The following GPD2 variants were observed in gnomAD, a reference collection of about 807,000 sequenced individuals.
GPD2 encodes glycerol-3-phosphate dehydrogenase 2.
In GPD2, 54 loss-of-function variants were observed where a neutral mutation model predicts 82.4. That is an observed-to-expected ratio of 0.66 (90% CI 0.53 to 0.82). The LOEUF is 0.82. Ranked by LOEUF, GPD2 falls within the 40% of genes least tolerant of loss-of-function variation. GPD2 has a pLI of 0.00. For synonymous variants in GPD2, 288 were observed against 306.1 expected (o/e 0.94, Z 0.62); for missense variants, 748 against 896.2 (o/e 0.83, Z 2.11).
At chr2:156,461,131 A>C (rs1682972450) in intron 1 of GPD2, among the ~76,000 whole-genome samples, 1 of 148,226 alleles carries the variant, frequency 6.7e-6, no homozygotes, top group African/African-American at 2.5e-5. Context: ...GCAGGCAAGC[A>C]CTAAATTATC....
intron 13 of GPD2, among the ~76,000 whole-genome samples, chr2:156,573,351 A>G (rs1445332328): frequency 2.6e-5 from 4 of 152,166 alleles, no homozygotes; most frequent in African/African-American, 9.7e-5. Context: ...CTGTGTCTGC[A>G]TTAGCTGTAC....
intron 1 of GPD2, among the ~76,000 whole-genome samples, chr2:156,462,453 ATTT>A (rs35159143): frequency 4.2e-5 from 5 of 118,182 alleles, no homozygotes; most frequent in Non-Finnish European, 5.2e-5. Flanking sequence ...ACCCGGATAC[ATTT>A]TTTTTTTTTT....
intron 1 of GPD2, among the ~76,000 whole-genome samples, chr2:156,439,713 C>G (rs1261932011): frequency 6.6e-6 from 1 of 150,968 alleles, no homozygotes; most frequent in Non-Finnish European, 1.5e-5. Context: ...CGGGCATGAT[C>G]GTGGGCACCT....
At chr2:156,406,225 C>G in the GPD2 span, among the ~76,000 whole-genome samples, 62 of 152,242 alleles carry the variant, frequency 4.1e-4, no homozygotes, top group African/African-American at 1.4e-3. Context: ...ACCCTAAGGC[C>G]TACTTTCCTA....
intron 6 of GPD2, among the ~76,000 whole-genome samples, chr2:156,534,388 T>G (rs1277799853): frequency 2.0e-5 from 3 of 152,224 alleles, no homozygotes; most frequent in African/African-American, 7.2e-5. Context: ...AATGTTTGGG[T>G]GCAAAAACAG....
At chr2:156,551,352 C>T (rs921630380) in intron 8 of GPD2, among the ~76,000 whole-genome samples, 5 of 151,946 alleles carry the variant, frequency 3.3e-5, no homozygotes, top group South Asian at 2.1e-4. Context: ...GTACATGGAG[C>T]GTCATTAAAC....
the GPD2 span, among the ~76,000 whole-genome samples, chr2:156,403,428 A>AGCT: frequency 6.6e-6 from 1 of 152,184 alleles, no homozygotes; most frequent in Non-Finnish European, 1.5e-5. Context: ...TAATGCTTGG[A>AGCT]GCTGCCCCAA....
At chr2:156,433,344 T>C (rs544355958), upstream of GPD2, among the ~76,000 whole-genome samples, 12 of 152,222 alleles carry the variant, frequency 7.9e-5, no homozygotes, top group Admixed American at 5.9e-4. Flanking sequence ...GATCAGTGCT[T>C]GAGATATTTT....
At chr2:156,544,048 C>A (rs1449687075) in intron 6 of GPD2, among the ~76,000 whole-genome samples, 1 of 152,032 alleles carries the variant, frequency 6.6e-6, no homozygotes, top group African/African-American at 2.4e-5. Context: ...TAACCACAAA[C>A]GTGAATGGCA....
At chr2:156,461,424 T>C (rs1161244855) in intron 1 of GPD2, among the ~76,000 whole-genome samples, 1 of 152,216 alleles carries the variant, frequency 6.6e-6, no homozygotes, top group African/African-American at 2.4e-5. Flanking sequence ...GGTCTCACTT[T>C]GTCACCCAGG....
chr2:156,578,835 A>G (rs113955204), intron 13 of GPD2, 54 bp from the exon 14 acceptor site: 1 of 1,042,114 alleles, frequency 9.6e-7, no homozygotes, highest in South Asian at 1.3e-5. Context: ...AAAAAGGAGG[A>G]AAAAAATCAA....
At chr2:156,463,667 G>A (rs1030578833) in intron 1 of GPD2, among the ~76,000 whole-genome samples, 10 of 152,152 alleles carry the variant, frequency 6.6e-5, no homozygotes, top group African/African-American at 2.4e-4. Flanking sequence ...AGAATTACAA[G>A]CGTGTCTTTC....
In GPD2 at chr2:156,437,596, G is replaced by C. The variant is rs183912691; in HGVS notation, c.-9+1083G>C. On this transcript the variant is annotated intron_variant, in intron 1 of 16. Transcript: ENST00000438166. Reference sequence around the variant, plus strand: ...TCCCTTGACTTTTACAAATCAACTCGTGAAATAATACAGCAATATTTTAAT... The same window carrying C: ...TCCCTTGACTTTTACAAATCAACTCCTGAAATAATACAGCAATATTTTAAT... Among the ~76,000 whole-genome samples the C allele has an allele frequency of 1.7e-4, 26 of 152,260 alleles. No homozygotes were observed. In the East Asian group the frequency reaches 4.6e-3, roughly 27 times the overall value.
the GPD2 span, among the ~76,000 whole-genome samples, chr2:156,411,452 A>T: frequency 6.6e-6 from 1 of 152,098 alleles, no homozygotes; most frequent in Non-Finnish European, 1.5e-5. Flanking sequence ...AGTAGCTGGG[A>T]TTACAGGCAC....
intron 2 of GPD2, among the ~76,000 whole-genome samples, chr2:156,487,203 G>A (rs1325820338): frequency 1.3e-5 from 2 of 152,176 alleles, no homozygotes; most frequent in Non-Finnish European, 2.9e-5. Flanking sequence ...CAGCTACTGG[G>A]GAGGCTAAGG....
At chr2:156,413,242 A>G in the GPD2 span, among the ~76,000 whole-genome samples, 1 of 152,138 alleles carries the variant, frequency 6.6e-6, no homozygotes, top group Admixed American at 6.5e-5. Flanking sequence ...ATATTCCATA[A>G]CCTTTGCTTA....
intron 1 of GPD2, among the ~76,000 whole-genome samples, chr2:156,437,607 C>G (rs1264964269): frequency 6.6e-6 from 1 of 152,174 alleles, no homozygotes; most frequent in Non-Finnish European, 1.5e-5. Context: ...TGAAATAATA[C>G]AGCAATATTT....
At chr2:156,538,792 G>C (rs2105318322) in intron 6 of GPD2, among the ~76,000 whole-genome samples, 2 of 134,090 alleles carry the variant, frequency 1.5e-5, no homozygotes, top group African/African-American at 5.7e-5. Flanking sequence ...CTGCACTGCA[G>C]CCTGTGCAAC....
At chr2:156,415,461 G>A in the GPD2 span, among the ~76,000 whole-genome samples, 12 of 152,076 alleles carry the variant, frequency 7.9e-5, no homozygotes, top group South Asian at 2.5e-3. Context: ...CGCAGCCGTT[G>A]TATCATTCTT....
Sources: gnomAD v4.1 joint callset for allele counts (sites outside exome capture counted in the v4.1 genomes callset) on GRCh38, gnomAD v4.1.1 for gene constraint, MANE v1.5 for transcripts, NCBI Gene and HGNC (gene_info 2026-07-23, HGNC 2026-07-21) for gene names.